The following FOXN4 variants were observed in gnomAD, a reference collection of about 807,000 sequenced individuals.
The protein encoded by FOXN4 is forkhead box protein N4.
FOXN4 carries 12 observed loss-of-function variants against 45.0 expected under a neutral mutation model. The observed-to-expected ratio is 0.27, with a 90% CI of 0.17 to 0.43. The LOEUF is 0.43. Ranked by LOEUF, FOXN4 falls within the 20% of genes least tolerant of loss-of-function variation. The probability of loss-of-function intolerance (pLI) is 1.00; values close to 1 mark genes in which losing one functional copy is unlikely to be tolerated. For synonymous variants in FOXN4, 297 were observed against 295.0 expected (o/e 1.01, Z -0.07); for missense variants, 560 against 694.9 (o/e 0.81, Z 2.18).
chr12:109,285,244 CGTGTGTGT>C (rs56261774), intron 8 of FOXN4, 52 bp downstream of exon 8: 39 of 1,353,854 alleles, frequency 2.9e-5, no homozygotes, highest in African/African-American at 9.5e-5. Flanking sequence ...CTTCCTCTTC[CGTGTGTGT>C]GTGTGTGTGT....
chr12:109,288,063 C>T lies in FOXN4; in HGVS notation c.350G>A (p.Arg117Lys). 6.5e-7 allele frequency: 1 copy of T among 1,550,146 alleles called. No individual in the cohort carries two copies. The highest frequency in any genetic ancestry group is 1.7e-4 in the Middle Eastern group (1 of 5,974). Residue 117 changes from arginine (R) to lysine (K), a missense_variant, in exon 4 of 10, where the codon AGA (arginine) becomes AAA (lysine). Transcript: ENST00000299162. The surrounding 1 kb of genome is among the most constrained non-coding windows in gnomAD (Gnocchi z 4.3). ...CCATGCAGTGCCACTTACGCTGTCT[C>T]TGTGGCCAGTTATGGGGCCCAGACC... ...MPGLGPITGH[R>K]DSMSQFPVGG...
chr12:109,287,350 C>A lies in FOXN4; in HGVS notation c.596+47G>T. On this transcript the variant is annotated intron_variant, in intron 6 of 9. Transcript: ENST00000299162. The surrounding 1 kb of genome is among the most constrained non-coding windows in gnomAD (Gnocchi z 4.1). ...GCCCTGAGGGCAGCCTCATCCCTCT[C>A]TCCCGGAGCCGCCCTTGGCCCTGAC... 9 of 1,549,954 alleles carry A rather than the reference C, an allele frequency of 5.8e-6. No homozygotes were observed. The highest frequency in any genetic ancestry group is 7.0e-6 in the Non-Finnish European group (8 of 1,146,290).
In FOXN4 at chr12:109,308,274, G is replaced by A. The variant is rs1445140774; in HGVS notation, c.48C>T (p.Asn16=). 1 of 1,551,906 alleles carries A rather than the reference G, an allele frequency of 6.4e-7. No homozygotes were observed. Among genetic ancestry groups the A allele is most frequent in the Non-Finnish European group, 8.7e-7 (1 of 1,147,032 alleles). ...TSSIMSGIIR[N]SGQNHHPSPQ... ...GAGAGGGGTGGTGATTTTGCCCTGA[G>A]TTTCGAATAATTCCTGACATTATGG... Residue 16 remains asparagine, a synonymous_variant, in exon 2 of 10, where the codon AAC becomes AAT. Coordinates refer to ENST00000299162, the MANE Select transcript of FOXN4 (RefSeq NM_213596.3).
intron 2 of FOXN4, among the ~76,000 whole-genome samples, chr12:109,300,882 C>A (rs558466741): frequency 3.3e-5 from 5 of 152,100 alleles, no homozygotes; most frequent in Non-Finnish European, 7.4e-5. Flanking sequence ...GCACTCCAGC[C>A]TGGGGGACAG....
intron 2 of FOXN4, among the ~76,000 whole-genome samples, chr12:109,302,096 G>A (rs1224679896): frequency 6.6e-6 from 1 of 152,088 alleles, no homozygotes; most frequent in Non-Finnish European, 1.5e-5. Context: ...GTTCTTACCC[G>A]CTCCTCCCTT....
chr12:109,296,470 C>T (rs1349263444), intron 2 of FOXN4, among the ~76,000 whole-genome samples: 4 of 152,224 alleles, frequency 2.6e-5, no homozygotes, highest in Admixed American at 6.5e-5. Context: ...AGTGTCTCCC[C>T]ATTGGATTCC....
intron 2 of FOXN4, among the ~76,000 whole-genome samples, chr12:109,299,381 CAA>C (rs1170046953): frequency 6.6e-6 from 1 of 152,084 alleles, no homozygotes; most frequent in African/African-American, 2.4e-5. Context: ...TGCACACACA[CAA>C]CACACATATG....
chr12:109,305,558 C>T (rs1406953821), intron 2 of FOXN4, among the ~76,000 whole-genome samples: 1 of 152,028 alleles, frequency 6.6e-6, no homozygotes, highest in African/African-American at 2.4e-5. Flanking sequence ...TGGCAAAACT[C>T]TGTCTCTACT....
chr12:109,306,339 T>C (rs1429267467), intron 2 of FOXN4, among the ~76,000 whole-genome samples: 2 of 152,226 alleles, frequency 1.3e-5, no homozygotes, highest in Non-Finnish European at 2.9e-5. Flanking sequence ...TCACCGGCCC[T>C]GCCTAAAGCT....
At chr12:109,285,000 C>CGTGTGTGCGTGCATTTGTGTGCACAG (rs2047692101) in intron 8 of FOXN4, among the ~76,000 whole-genome samples, 1 of 141,248 alleles carries the variant, frequency 7.1e-6, no homozygotes, top group Non-Finnish European at 1.5e-5. Context: ...TCCTCTTCTG[C>CGTGTGTGCGTGCATTTGTGTGCACAG]GTGTGTGCGT....
At chr12:109,285,924 G>GGTAT (rs1208437942) in intron 7 of FOXN4, among the ~76,000 whole-genome samples, 1 of 149,908 alleles carries the variant, frequency 6.7e-6, no homozygotes, top group Admixed American at 6.6e-5. Context: ...GGAGTACAGT[G>GGTAT]GTATGATCAC....
In FOXN4 at chr12:109,287,835, C is replaced by T. The variant is rs1236873199; in HGVS notation, c.468+9G>A. Reference sequence around the variant, plus strand: ...TGCTCAGTCCAGGGCTCCCCTGAGCCCTTGGTACCTGCTGGGCACCCGGGG... The same window carrying T: ...TGCTCAGTCCAGGGCTCCCCTGAGCTCTTGGTACCTGCTGGGCACCCGGGG... On this transcript the variant is annotated intron_variant, in intron 5 of 9. Transcript: ENST00000299162. This position sits in a 1 kb window ranked among gnomAD's most constrained non-coding sequence, Gnocchi z 4.1. 5 of 1,547,246 alleles carry T rather than the reference C, an allele frequency of 3.2e-6. No homozygotes were observed. Among genetic ancestry groups the T allele is most frequent in the Admixed American group, 4.0e-5 (2 of 50,378 alleles).
chr12:109,301,323 A>G (rs569096265), intron 2 of FOXN4, among the ~76,000 whole-genome samples: 1 of 152,324 alleles, frequency 6.6e-6, no homozygotes, highest in East Asian at 1.9e-4. Flanking sequence ...GGCTCCAGGT[A>G]GGCACTGGAG....
rs1264934290 is a variant in FOXN4, at chr12:109,288,020, C to A, written c.357+36G>T. ...GGGTAGACACCCAGTCTGGAGGGCA[C>A]TACCCGCCCTCCGCAGTCCATGCAG... On this transcript the variant is annotated intron_variant, in intron 4 of 9. Coordinates refer to ENST00000299162, the MANE Select transcript of FOXN4 (RefSeq NM_213596.3). The surrounding 1 kb of genome is among the most constrained non-coding windows in gnomAD (Gnocchi z 4.3). 6.5e-7 allele frequency: 1 copy of A among 1,549,896 alleles called. No homozygotes were observed. The highest frequency in any genetic ancestry group is 1.2e-5 in the South Asian group (1 of 84,020).
In FOXN4 at chr12:109,300,171, G is replaced by A. The variant is rs564324669; in HGVS notation, c.86+8065C>T. Among the ~76,000 whole-genome samples the A allele has an allele frequency of 3.3e-5, 5 of 152,280 alleles. No individual in the cohort carries two copies. The East Asian group carries it at 5.8e-4, about 18-fold the overall frequency. On this transcript the variant is annotated intron_variant, in intron 2 of 9. Transcript: ENST00000299162. ...TGAAGAGTATGGAGAAGTAGACCCCGTGAAGACAGCCAACAGCAGGGTGTC... is the reference window on the plus strand; with the variant it reads ...TGAAGAGTATGGAGAAGTAGACCCCATGAAGACAGCCAACAGCAGGGTGTC...
intron 2 of FOXN4, among the ~76,000 whole-genome samples, chr12:109,292,802 G>C (rs2047781446): frequency 6.6e-6 from 1 of 152,188 alleles, no homozygotes; most frequent in Non-Finnish European, 1.5e-5. Context: ...CCATTTTACA[G>C]ATGAAGAAAC....
chr12:109,302,623 A>G lies in FOXN4; in HGVS notation c.86+5613T>C, dbSNP rs147874197. Among the ~76,000 whole-genome samples the G allele has an allele frequency of 8.6e-3, 1,313 of 152,288 alleles. 11 individuals carry two copies. Among genetic ancestry groups the G allele is most frequent in the Non-Finnish European group, 0.015 (1,001 of 68,028 alleles). The stretch of plus-strand genomic sequence containing the variant: ...ATAAGATCAGGTAACCTCTAAGACA[A>G]AGCCAGACACATAGTAGTAGGTGCT... On this transcript the variant is annotated intron_variant, in intron 2 of 9. Coordinates refer to ENST00000299162, the MANE Select transcript of FOXN4 (RefSeq NM_213596.3).
In FOXN4 at chr12:109,281,732, T is replaced by C. The variant is rs754403481; in HGVS notation, c.969A>G (p.Pro323=). 6 of 1,608,524 alleles carry C rather than the reference T, an allele frequency of 3.7e-6. No homozygotes were observed. The South Asian group carries it at 6.6e-5, about 18-fold the overall frequency. ...TGGCGTGAGTCAGCACGGGGGCCTC[T>C]GGTTCCCCCGGTTTGCCGGGGCGCC... The part of the protein sequence containing the change: ...SCRRPGKPGE[P]EAPVLTHATT... The change falls in exon 9 of 10, where the codon CCA becomes CCG. Residue 323 remains proline (P), a synonymous_variant. Coordinates refer to ENST00000299162, the MANE Select transcript of FOXN4 (RefSeq NM_213596.3).
At position 109,291,345 on chromosome 12, in the gene FOXN4, A is replaced by AGC. The variant is rs2047766398; in HGVS notation, c.87-1060_87-1059insGC. Among the ~76,000 whole-genome samples, 3 of 151,812 alleles carry AGC rather than the reference A, an allele frequency of 2.0e-5. No individual in the cohort carries two copies. Among genetic ancestry groups the AGC allele is most frequent in the Admixed American group, 6.6e-5 (1 of 15,256 alleles). On this transcript the variant is annotated intron_variant, in intron 2 of 9. Transcript: ENST00000299162. This position sits in a 1 kb window ranked among gnomAD's most constrained non-coding sequence, Gnocchi z 6.6. Reference sequence around the variant, plus strand: ...CCAGGAGCACACGCCCGACTCCACCACATCTGCCACCCCTGTAGCCAGGGG... The same window carrying AGC: ...CCAGGAGCACACGCCCGACTCCACCAGCCATCTGCCACCCCTGTAGCCAGGGG...
Sources: gnomAD v4.1 joint callset for allele counts (sites outside exome capture counted in the v4.1 genomes callset) on GRCh38, gnomAD v4.1.1 for gene constraint, Gnocchi (gnomAD v3.1) non-coding constraint, MANE v1.5 for transcripts, NCBI Gene and HGNC (gene_info 2026-07-23, HGNC 2026-07-21) for gene names.